KHDRBS1: variants seen among roughly 807,000 people sequenced by gnomAD.
KHDRBS1 encodes KH RNA binding domain containing, signal transduction associated 1.
In KHDRBS1, 7 loss-of-function variants were observed where a neutral mutation model predicts 48.4. That is an observed-to-expected ratio of 0.14 (90% CI 0.08 to 0.27). The LOEUF (loss-of-function observed/expected upper bound fraction) is 0.27, where lower values mean the gene tolerates loss of function less well. Ranked by LOEUF, KHDRBS1 falls within the 10% of genes least tolerant of loss-of-function variation. The pLI is 1.00. For missense variants in KHDRBS1, 458 were observed against 601.2 expected (o/e 0.76, Z 2.49); for synonymous variants, 241 against 235.8 (o/e 1.02, Z -0.20).
Position 32,013,950 on chromosome 1 carries a change from C to A in KHDRBS1, c.-46C>A. 7.2e-7 allele frequency: 1 copy of A among 1,397,596 alleles called. No individual in the cohort carries two copies. Among genetic ancestry groups the A allele is most frequent in the Non-Finnish European group, 9.3e-7 (1 of 1,079,164 alleles). 86.6% of individuals were successfully genotyped at this position (1,397,596 alleles called of 1,614,324 possible). On this transcript the variant is annotated 5_prime_UTR_variant, in exon 1 of 9. Coordinates refer to ENST00000327300, the MANE Select transcript of KHDRBS1 (RefSeq NM_006559.3). ...CGCCAACCGCCGCTCGGGCCTCCGT[C>A]GCTGCCGCGTCGCTTTCTCGCTCCT...
chr1:32,015,368 A>T (rs1386874065), intron 1 of KHDRBS1, among the ~76,000 whole-genome samples: 1 of 152,108 alleles, frequency 6.6e-6, no homozygotes, highest in African/African-American at 2.4e-5. Context: ...ATGATACCTA[A>T]ATTTTACTAA....
intron 10 of KHDRBS1, among the ~76,000 whole-genome samples, chr1:32,054,831 G>T (rs1001883808): frequency 6.6e-6 from 1 of 152,108 alleles, no homozygotes; most frequent in African/African-American, 2.4e-5. Flanking sequence ...GTGCCCCAAG[G>T]CAGTTATTCC....
intron 4 of KHDRBS1, among the ~76,000 whole-genome samples, 175 bp from the exon 5 acceptor site, chr1:32,036,735 C>T (rs1257736077): frequency 6.6e-6 from 1 of 152,068 alleles, no homozygotes; most frequent in Non-Finnish European, 1.5e-5. Context: ...ACCATCAAGA[C>T]TTTTCTCAAA....
chr1:32,033,561 A>G (rs1639120564), intron 4 of KHDRBS1, among the ~76,000 whole-genome samples: 1 of 152,130 alleles, frequency 6.6e-6, no homozygotes, highest in Non-Finnish European at 1.5e-5. Context: ...TTCATTGTGT[A>G]CCGGTATCTT....
At chr1:32,015,258 C>G (rs1638717572) in intron 1 of KHDRBS1, among the ~76,000 whole-genome samples, 1 of 152,198 alleles carries the variant, frequency 6.6e-6, no homozygotes, top group Admixed American at 6.5e-5. Context: ...GGTTAGCGCT[C>G]TTTTCCTCAT....
At chr1:32,017,558 T>G (rs946369817) in intron 1 of KHDRBS1, among the ~76,000 whole-genome samples, 9 of 151,006 alleles carry the variant, frequency 6.0e-5, no homozygotes, top group Non-Finnish European at 1.0e-4. Context: ...ATTTATATAG[T>G]AAGTAAAATG....
chr1:32,016,186 G>GAAA (rs576956025), intron 1 of KHDRBS1, among the ~76,000 whole-genome samples: 3,362 of 84,740 alleles, frequency 0.04, 138 homozygotes, highest in African/African-American at 0.13. Context: ...CTCAAAAAAG[G>GAAA]AAAAAAAAAA....
chr1:32,055,270 A>T (rs1190017163), intron 10 of KHDRBS1, among the ~76,000 whole-genome samples: 1 of 152,174 alleles, frequency 6.6e-6, no homozygotes, highest in Non-Finnish European at 1.5e-5. Context: ...CAACATGGTG[A>T]AACCCCACCT....
chr1:32,059,538 T>G (rs1486219075), intron 10 of KHDRBS1, among the ~76,000 whole-genome samples: 2 of 149,270 alleles, frequency 1.3e-5, no homozygotes, highest in Non-Finnish European at 3.0e-5. Flanking sequence ...AGACTCTTTC[T>G]TTAAAAAAAA....
chr1:32,025,699 C>T (rs1638954899), intron 1 of KHDRBS1, among the ~76,000 whole-genome samples: 2 of 126,960 alleles, frequency 1.6e-5, no homozygotes, highest in Admixed American at 1.7e-4. Flanking sequence ...TGCCTCCCTT[C>T]CTGCCCCCTC....
intron 10 of KHDRBS1, among the ~76,000 whole-genome samples, chr1:32,054,045 T>C (rs951802655): frequency 6.6e-6 from 1 of 152,042 alleles, no homozygotes; most frequent in Non-Finnish European, 1.5e-5. Context: ...GATAGCGCCA[T>C]TGCACACAAC....
At chr1:32,057,798 C>CA (rs796350726) in intron 10 of KHDRBS1, among the ~76,000 whole-genome samples, 4,547 of 128,680 alleles carry the variant, frequency 0.035, 228 homozygotes, top group African/African-American at 0.12. Context: ...GACTCCATCT[C>CA]AAAAAAAAAA....
At chr1:32,027,691 A>G (rs910419911) in intron 1 of KHDRBS1, among the ~76,000 whole-genome samples, 28 of 152,240 alleles carry the variant, frequency 1.8e-4, no homozygotes, top group Non-Finnish European at 1.5e-5. Flanking sequence ...ATAGTATAGC[A>G]TCTGAAATTA....
chr1:32,045,611 C>CTGTT (rs1335398791), downstream of KHDRBS1, among the ~76,000 whole-genome samples: 1 of 152,196 alleles, frequency 6.6e-6, no homozygotes, highest in Non-Finnish European at 1.5e-5. Flanking sequence ...GAATCCCACT[C>CTGTT]TGTTTATCCT....
chr1:32,014,525 C>G (rs1322463930), intron 1 of KHDRBS1, 148 bp downstream of exon 1: 3 of 854,018 alleles, frequency 3.5e-6, no homozygotes, highest in Non-Finnish European at 4.8e-6. Flanking sequence ...CTGGATTCCA[C>G]ATTCCCACCT....
intron 1 of KHDRBS1, among the ~76,000 whole-genome samples, chr1:32,019,917 G>A (rs530957865): frequency 7.2e-5 from 11 of 151,970 alleles, no homozygotes; most frequent in Admixed American, 1.3e-4. Context: ...GATTACAGGC[G>A]CCCACCACCA....
downstream of KHDRBS1, among the ~76,000 whole-genome samples, chr1:32,044,248 A>G (rs779807071): frequency 9.2e-5 from 14 of 152,208 alleles, no homozygotes; most frequent in Admixed American, 2.0e-4. Context: ...TAGAACCCCT[A>G]GGTGGCTCTA....
Position 32,049,611 on chromosome 1 carries a change from G to A in KHDRBS1, n.1301+4221G>A, listed in dbSNP as rs114579826. Among the ~76,000 whole-genome samples, 861 of 151,780 alleles carry A rather than the reference G, an allele frequency of 5.7e-3. 10 individuals are homozygous for A. Among genetic ancestry groups the A allele is most frequent in the African/African-American group, 0.02 (829 of 41,412 alleles). Reference sequence around the variant, plus strand: ...TTTCAGTTTCTTGGGTATATACCTAGAAGAATTTCTGGGTTCTGGGTCATA... The same window carrying A: ...TTTCAGTTTCTTGGGTATATACCTAAAAGAATTTCTGGGTTCTGGGTCATA... On this transcript the variant is annotated intron_variant and non_coding_transcript_variant, in intron 10 of 10. Transcript: ENST00000484270.
At chr1:32,019,492 G>A (rs140754661) in intron 1 of KHDRBS1, among the ~76,000 whole-genome samples, 2 of 152,182 alleles carry the variant, frequency 1.3e-5, no homozygotes, top group East Asian at 3.9e-4. Flanking sequence ...AGAGGTTGCA[G>A]TGAGCTGAGA....
Sources: allele counts gnomAD v4.1 joint callset (sites outside exome capture counted in the v4.1 genomes callset), GRCh38; gene constraint gnomAD v4.1.1; transcripts MANE v1.5; gene names NCBI Gene and HGNC (gene_info 2026-07-23, HGNC 2026-07-21).